SLC7A6: variants seen among roughly 807,000 people sequenced by gnomAD.
The protein encoded by SLC7A6 is Y+L amino acid transporter 2.
SLC7A6 carries 29 observed loss-of-function variants against 46.6 expected under a neutral mutation model. That is an observed-to-expected ratio of 0.62 (90% confidence interval 0.46 to 0.85). The LOEUF (loss-of-function observed/expected upper bound fraction) is 0.85. Among genes scored for constraint, SLC7A6 ranks in the 40% least tolerant of loss-of-function variants. The pLI is 0.00. For synonymous variants in SLC7A6, 276 were observed against 257.3 expected, an observed-to-expected ratio of 1.07 and a Z score of -0.70; for missense variants, 527 against 647.6, an observed-to-expected ratio of 0.81 and a Z score of 2.02.
At chr16:68,267,666 C>T (rs1289203235) in intron 2 of SLC7A6, among the ~76,000 whole-genome samples, 1 of 152,192 alleles carries the variant, frequency 6.6e-6, no homozygotes, top group Non-Finnish European at 1.5e-5. Flanking sequence ...TCCTAGCATA[C>T]AACTCCTAAA....
chr16:68,285,254 C>T (rs1033409009), intron 3 of SLC7A6, among the ~76,000 whole-genome samples: 1 of 152,154 alleles, frequency 6.6e-6, no homozygotes, highest in African/African-American at 2.4e-5. Flanking sequence ...ATGTAACAGG[C>T]TCAACTTGGG....
In SLC7A6 at chr16:68,294,754, A is replaced by C; in HGVS notation, c.1072A>C (p.Met358Leu). 1 of 1,614,116 alleles carries C rather than the reference A, an allele frequency of 6.2e-7. No homozygotes were observed. The highest frequency in any genetic ancestry group is 1.1e-5 in the South Asian group (1 of 91,088). The change falls in exon 8 of 11, where the codon ATG (methionine) becomes CTG (leucine). Residue 358 changes from methionine to leucine, a missense_variant. Coordinates refer to ENST00000219343, the MANE Select transcript of SLC7A6 (RefSeq NM_003983.6). ...GGGCCACCTACCGGACCTTCTGTCC[A>C]TGATCCACATTGAGCGTTTTACACC... ...REGHLPDLLS[M>L]IHIERFTPIP... is the part of the protein sequence containing the mutation.
At chr16:68,295,015 G>C (rs1231005308) in intron 8 of SLC7A6, 2 of 423,222 alleles carry the variant, frequency 4.7e-6, no homozygotes, top group Non-Finnish European at 8.4e-6. Context: ...TATTGAGAAA[G>C]GTGGGGATTC....
Position 68,264,751 on chromosome 16 carries a change from G to C in SLC7A6, c.-166+175G>C, listed in dbSNP as rs1015509153. On this transcript the variant is annotated intron_variant, in intron 1 of 10. Coordinates refer to ENST00000219343, the MANE Select transcript of SLC7A6 (RefSeq NM_003983.6). The surrounding 1 kb of genome is among the most constrained non-coding windows in gnomAD (Gnocchi z 5.8). The stretch of plus-strand genomic sequence containing the variant: ...GCGAGAGGCGCTGCGGGTGAGGGGG[G>C]GCGCCACGAGGAGAGAGGGACCTCG... The C allele has an allele frequency of 4.6e-5, 7 of 152,458 alleles. No homozygotes were observed. Among genetic ancestry groups the C allele is most frequent in the Non-Finnish European group, 8.8e-5 (6 of 68,190 alleles). The allele number at this position is 152,458 out of a possible 1,614,324, so 9.4% of individuals were successfully genotyped here. A position where few individuals can be genotyped will look rare whatever the true frequency, so the allele number is the denominator to read the frequency against.
Position 68,301,289 on chromosome 16 carries a change from G to A in SLC7A6, c.*3961G>A, listed in dbSNP as rs2043268836. The A allele has an allele frequency of 6.2e-7, 1 of 1,614,116 alleles. No homozygotes were observed. Among genetic ancestry groups the A allele is most frequent in the Non-Finnish European group, 8.5e-7 (1 of 1,179,980 alleles). ...TCACAAGACCATCAGTCTGAATCCA[G>A]GTCGTGGGGGCTGTCATAGCCGAAC... On this transcript the variant is annotated 3_prime_UTR_variant, in exon 11 of 11. Coordinates refer to ENST00000219343, the MANE Select transcript of SLC7A6 (RefSeq NM_003983.6).
intron 7 of SLC7A6, among the ~76,000 whole-genome samples, chr16:68,294,177 A>G (rs2043115578): frequency 6.6e-6 from 1 of 152,006 alleles, no homozygotes; most frequent in Admixed American, 6.5e-5. Context: ...TATAGGCATG[A>G]GCCACCATGC....
chr16:68,283,283 C>A (rs1448623773), intron 3 of SLC7A6, among the ~76,000 whole-genome samples: 1 of 152,222 alleles, frequency 6.6e-6, no homozygotes, highest in Non-Finnish European at 1.5e-5. Context: ...GACTTCAGTT[C>A]TTCAGGGAGC....
intron 2 of SLC7A6, among the ~76,000 whole-genome samples, chr16:68,268,760 C>T (rs997211648): frequency 6.6e-6 from 1 of 151,936 alleles, no homozygotes; most frequent in African/African-American, 2.4e-5. Flanking sequence ...AATCCCAGCA[C>T]TTTGGGAAGC....
Position 68,291,760 on chromosome 16 carries a change from A to AGGGTGG in SLC7A6, c.1022+104_1022+105insGGGGTG, listed in dbSNP as rs1045348572. On this transcript the variant is annotated intron_variant, in intron 7 of 10. Coordinates refer to ENST00000219343, the MANE Select transcript of SLC7A6 (RefSeq NM_003983.6). ...TTTTCCCTCCTTCTCATGGGCATAT[A>AGGGTGG]GGGTGTGTGTGTGTGTGTGTGTGTG... The AGGGTGG allele has an allele frequency of 1.5e-5, 8 of 521,722 alleles. No homozygotes were observed. In the African/African-American group the frequency reaches 3.5e-4, roughly 23 times the overall value. 32.3% of individuals were successfully genotyped at this position (521,722 alleles called of 1,614,324 possible).
Position 68,297,519 on chromosome 16 carries a change from G to C in SLC7A6, c.*191G>C. On this transcript the variant is annotated 3_prime_UTR_variant, in exon 11 of 11. Transcript: ENST00000219343. ...CAGGATCTGGGCCAACCTCAAGGTGGGGGCTTCAGAGGGTGGGGGGAAGAT... is the reference window on the plus strand; with the variant it reads ...CAGGATCTGGGCCAACCTCAAGGTGCGGGCTTCAGAGGGTGGGGGGAAGAT... 1 of 433,978 alleles carries C rather than the reference G, an allele frequency of 2.3e-6. No homozygotes were observed. The highest frequency in any genetic ancestry group is 4.2e-5 in the South Asian group (1 of 23,572). The allele number at this position is 433,978 out of a possible 1,614,324, so 26.9% of individuals were successfully genotyped here. A position where few individuals can be genotyped will look rare whatever the true frequency, so the allele number is the denominator to read the frequency against.
intron 5 of SLC7A6, chr16:68,290,861 CA>C (rs1219688219): frequency 2.7e-5 from 13 of 478,920 alleles, no homozygotes; most frequent in African/African-American, 2.3e-4. Context: ...CCCGCAGAAC[CA>C]AAACTTATTC....
intron 2 of SLC7A6, among the ~76,000 whole-genome samples, chr16:68,272,115 C>G (rs1596969968): frequency 6.6e-6 from 1 of 152,136 alleles, no homozygotes; most frequent in Non-Finnish European, 1.5e-5. Context: ...CATTTTGTTA[C>G]TGAATGAAGA....
intron 3 of SLC7A6, chr16:68,284,646 G>C: frequency 1.0e-6 from 1 of 985,384 alleles, no homozygotes; most frequent in Non-Finnish European, 1.2e-6. Context: ...GTGAGACCCA[G>C]TGCCAGTTAG....
chr16:68,277,948 T>A (rs9708734), intron 3 of SLC7A6, among the ~76,000 whole-genome samples: 142 of 103,502 alleles, frequency 1.4e-3, no homozygotes, highest in Non-Finnish European at 2.3e-3. Context: ...TATTATTATT[T>A]TTCTTTTTTG....
In SLC7A6 at chr16:68,264,967, A is replaced by C. The variant is rs2042503950; in HGVS notation, c.-166+391A>C. Among the ~76,000 whole-genome samples the C allele has an allele frequency of 6.6e-6, 1 of 152,108 alleles. No individual in the cohort carries two copies. The highest frequency in any genetic ancestry group is 1.5e-5 in the Non-Finnish European group (1 of 68,000). On this transcript the variant is annotated intron_variant, in intron 1 of 10. Transcript: ENST00000219343. This position sits in a 1 kb window ranked among gnomAD's most constrained non-coding sequence, Gnocchi z 5.8. ...CGCTGAGTGCGCGGGCCGCGCCGCG[A>C]GCGTGAGACTGTGCGACGGTGACCC...
chr16:68,269,347 C>G (rs1257558746), intron 2 of SLC7A6, among the ~76,000 whole-genome samples: 1 of 151,934 alleles, frequency 6.6e-6, no homozygotes, highest in Non-Finnish European at 1.5e-5. Flanking sequence ...TGCCAGATAC[C>G]GTGTGTGGAA....
chr16:68,265,804 CCT>C (rs2042521642), intron 1 of SLC7A6: 1 of 152,144 alleles, frequency 6.6e-6, no homozygotes, highest in Non-Finnish European at 1.5e-5. Flanking sequence ...CTGATTTTCT[CCT>C]CTCTTCCTCT....
intron 3 of SLC7A6, chr16:68,284,079 T>A (rs1282888824): frequency 6.5e-6 from 1 of 153,028 alleles, no homozygotes; most frequent in African/African-American, 2.4e-5. Flanking sequence ...GGGGTCAGCG[T>A]TGAAGGGCGT....
intron 10 of SLC7A6, among the ~76,000 whole-genome samples, 183 bp from the exon 11 acceptor site, chr16:68,297,051 A>C (rs2043185827): frequency 6.6e-6 from 1 of 152,214 alleles, no homozygotes; most frequent in Non-Finnish European, 1.5e-5. Flanking sequence ...GTTGTGCATC[A>C]GACTCTGGTT....
Sources: gnomAD v4.1 joint callset for allele counts (sites outside exome capture counted in the v4.1 genomes callset) on GRCh38, gnomAD v4.1.1 for gene constraint, Gnocchi (gnomAD v3.1) non-coding constraint, MANE v1.5 for transcripts, NCBI Gene and HGNC (gene_info 2026-07-23, HGNC 2026-07-21) for gene names.